The following TMC1 variants were observed in gnomAD, a reference collection of about 807,000 sequenced individuals.
TMC1 encodes the protein transmembrane channel like 1.
In TMC1, 84 loss-of-function variants were observed where a neutral mutation model predicts 105.8. The observed-to-expected ratio is 0.79, with a 90% CI of 0.67 to 0.95. The LOEUF (loss-of-function observed/expected upper bound fraction) is 0.95. TMC1 is among the 40% of genes least tolerant of loss of function. The probability of loss-of-function intolerance (pLI) is 0.00; values close to 1 mark genes in which losing one functional copy is unlikely to be tolerated. For missense variants in TMC1, 817 were observed against 914.1 expected (o/e 0.89, Z 1.37); for synonymous variants, 315 against 311.5 (o/e 1.01, Z -0.12).
chr9:72,658,823 C>T (rs1249499619), intron 5 of TMC1, among the ~76,000 whole-genome samples: 2 of 152,046 alleles, frequency 1.3e-5, no homozygotes, highest in South Asian at 2.1e-4. Context: ...AAAAGGCCTT[C>T]GGGAAAATAC....
intron 1 of TMC1, among the ~76,000 whole-genome samples, chr9:72,528,144 GTTC>G (rs1339084542): frequency 2.6e-5 from 4 of 152,008 alleles, no homozygotes; most frequent in Non-Finnish European, 5.9e-5. Flanking sequence ...TGGGATTACT[GTTC>G]TTATAAAAAA....
At chr9:72,576,999 G>T (rs759654679) in intron 1 of TMC1, among the ~76,000 whole-genome samples, 21 of 151,852 alleles carry the variant, frequency 1.4e-4, no homozygotes, top group Non-Finnish European at 1.5e-4. Context: ...CTGCAATATG[G>T]CCAACTGGGA....
At chr9:72,530,163 G>A (rs1231976656) in intron 1 of TMC1, among the ~76,000 whole-genome samples, 1 of 152,072 alleles carries the variant, frequency 6.6e-6, no homozygotes, top group African/African-American at 2.4e-5. Flanking sequence ...AGGTGGCTGA[G>A]AGCTCCATAG....
At chr9:72,618,965 A>G (rs1825192797) in intron 3 of TMC1, among the ~76,000 whole-genome samples, 1 of 152,206 alleles carries the variant, frequency 6.6e-6, no homozygotes, top group South Asian at 2.1e-4. Context: ...AGTAGCAACG[A>G]CAATAAACAG....
At chr9:72,703,479 CA>C (rs1404701219) in intron 8 of TMC1, among the ~76,000 whole-genome samples, 1 of 152,188 alleles carries the variant, frequency 6.6e-6, no homozygotes, top group Non-Finnish European at 1.5e-5. Context: ...TTTTCATGAA[CA>C]AGTGGAAGAT....
chr9:72,618,546 T>C (rs1825185735), intron 3 of TMC1, among the ~76,000 whole-genome samples: 2 of 149,062 alleles, frequency 1.3e-5, no homozygotes, highest in Admixed American at 6.7e-5. Flanking sequence ...GAGATAGAAA[T>C]AAAGGTAAAT....
At chr9:72,816,111 C>A in intron 18 of TMC1, 32 bp from the exon 19 acceptor site, 1 of 1,604,420 alleles carries the variant, frequency 6.2e-7, no homozygotes, top group South Asian at 1.1e-5. Context: ...CCATGTGAGA[C>A]GCTAATCCAA....
intron 1 of TMC1, among the ~76,000 whole-genome samples, chr9:72,525,583 T>C (rs1823391988): frequency 6.6e-6 from 1 of 152,236 alleles, no homozygotes; most frequent in Non-Finnish European, 1.5e-5. Context: ...CATCTGGGAC[T>C]GACAAACGCA....
chr9:72,753,915 A>G (rs1827627743), intron 11 of TMC1, among the ~76,000 whole-genome samples: 1 of 152,158 alleles, frequency 6.6e-6, no homozygotes, highest in African/African-American at 2.4e-5. Flanking sequence ...TGTTCGGACC[A>G]GGAAGCCAGA....
intron 17 of TMC1, among the ~76,000 whole-genome samples, chr9:72,802,736 AC>A (rs1828497599): frequency 6.6e-6 from 1 of 152,212 alleles, no homozygotes; most frequent in Non-Finnish European, 1.5e-5. Context: ...CAGAGAGGAC[AC>A]AAACATATGT....
intron 5 of TMC1, among the ~76,000 whole-genome samples, chr9:72,650,895 T>TATATATATATATATATAG (rs1564468521): frequency 6.4e-5 from 9 of 141,636 alleles, no homozygotes; most frequent in Non-Finnish European, 1.4e-4. Flanking sequence ...TATATAGATA[T>TATATATATATATATATAG]ATATATAAAT....
intron 2 of TMC1, among the ~76,000 whole-genome samples, chr9:72,581,919 C>A (rs1431129412): frequency 1.3e-5 from 2 of 152,144 alleles, no homozygotes; most frequent in African/African-American, 4.8e-5. Flanking sequence ...ACAGTGCTAT[C>A]AGTTTTCATG....
intron 1 of TMC1, among the ~76,000 whole-genome samples, chr9:72,557,529 GACA>G (rs1187264329): frequency 6.6e-6 from 1 of 152,108 alleles, no homozygotes; most frequent in Non-Finnish European, 1.5e-5. Flanking sequence ...ACAAAGAAAT[GACA>G]ACAACTGTTA....
At chr9:72,531,260 G>T (rs1042295506) in intron 1 of TMC1, among the ~76,000 whole-genome samples, 50 of 152,114 alleles carry the variant, frequency 3.3e-4, no homozygotes, top group African/African-American at 1.2e-3. Context: ...TACTTTCATT[G>T]TTTTTTGTTT....
chr9:72,655,615 G>C (rs145718896), intron 5 of TMC1, among the ~76,000 whole-genome samples: 13 of 152,048 alleles, frequency 8.5e-5, no homozygotes, highest in African/African-American at 3.1e-4. Flanking sequence ...GGTGGTGGGC[G>C]CCTGTAGTCC....
chr9:72,796,201 G>A (rs56037147), intron 17 of TMC1, among the ~76,000 whole-genome samples: 14,056 of 152,096 alleles, frequency 0.092, 716 homozygotes, highest in Non-Finnish European at 0.13. Flanking sequence ...CATAAAGCAA[G>A]TTCTTAGAGA....
At chr9:72,834,197 T>G (rs1427236907) in intron 23 of TMC1, among the ~76,000 whole-genome samples, 1 of 152,242 alleles carries the variant, frequency 6.6e-6, no homozygotes, top group Non-Finnish European at 1.5e-5. Flanking sequence ...TGTTCTTTAA[T>G]TCTTCTTTTT....
At chr9:72,778,046 G>A (rs907079749) in intron 13 of TMC1, among the ~76,000 whole-genome samples, 5 of 152,190 alleles carry the variant, frequency 3.3e-5, no homozygotes, top group African/African-American at 1.2e-4. Context: ...TAAAGTCCTT[G>A]CCTCTGTGGT....
At position 72,650,872 on chromosome 9, in the gene TMC1, T is replaced by TTATA. The variant is rs71495328; in HGVS notation, c.16+2215_16+2218dup. ...GCTGCATGGTATTTCATGGTGTATT[T>TTATA]TATATATATAGATATATAGATATAT... On this transcript the variant is annotated intron_variant, in intron 5 of 23. Coordinates refer to ENST00000297784, the MANE Select transcript of TMC1 (RefSeq NM_138691.3). Among the ~76,000 whole-genome samples the TTATA allele has an allele frequency of 8.8e-4, 105 of 119,856 alleles. 3 individuals are homozygous for TTATA. The highest frequency in any genetic ancestry group is 3.0e-3 in the African/African-American group (90 of 29,698). 78.6% of individuals were successfully genotyped at this position (119,856 alleles called of 152,430 possible).
Sources: allele counts gnomAD v4.1 joint callset (sites outside exome capture counted in the v4.1 genomes callset), GRCh38; gene constraint gnomAD v4.1.1; transcripts MANE v1.5; gene names NCBI Gene and HGNC (gene_info 2026-07-23, HGNC 2026-07-21).